Variants in MYL5 observed in about 807,000 individuals in gnomAD.
The protein encoded by MYL5 is myosin regulatory light chain 5.
Under a neutral mutation model 20.8 loss-of-function variants are expected in MYL5, and 28 were observed. The observed-to-expected ratio is 1.35, with a 90% CI of 1.00 to 1.84. The LOEUF (loss-of-function observed/expected upper bound fraction) is 1.84. Ranked by LOEUF, MYL5 falls within the 40% of genes most tolerant of loss-of-function variation. MYL5 has a pLI of 0.00. For synonymous variants in MYL5, 118 were observed against 87.4 expected (o/e 1.35, Z -1.95); for missense variants, 274 against 227.3 (o/e 1.21, Z -1.32).
intron 3 of MYL5, 161 bp downstream of exon 5, chr4:679,194 T>G: frequency 1.3e-6 from 1 of 764,576 alleles, no homozygotes; most frequent in Non-Finnish European, 2.3e-6. Flanking sequence ...TGGCCGCCCT[T>G]GGTTCCATCA....
intron 5 of MYL5, chr4:680,825 C>A: frequency 3.2e-6 from 2 of 629,762 alleles, no homozygotes; most frequent in Non-Finnish European, 5.5e-6. Context: ...CCCACTCCTC[C>A]ATCTTCAGCT....
chr4:679,210 G>A, intron 3 of MYL5, 177 bp downstream of exon 5: 2 of 726,158 alleles, frequency 2.8e-6, no homozygotes, highest in Non-Finnish European at 4.9e-6. Flanking sequence ...CATCAGAGCT[G>A]GCAGAGAGCA....
exon 4 of MYL5, chr4:680,018 G>T: frequency 6.2e-7 from 1 of 1,609,272 alleles, no homozygotes; most frequent in South Asian, 1.1e-5. Context: ...GAAGCTGAGC[G>T]GTGAGCACCG....
chr4:681,350 T>C (rs1483445734), intron 6 of MYL5, among the ~76,000 whole-genome samples: 1 of 151,830 alleles, frequency 6.6e-6, no homozygotes, highest in Non-Finnish European at 1.5e-5. Context: ...CTCCCCTCCG[T>C]TAGATCAGCG....
chr4:678,059 A>G (rs773335223), intron 1 of MYL5, 30 bp downstream of exon 3: 28 of 1,612,434 alleles, frequency 1.7e-5, no homozygotes, highest in East Asian at 6.7e-5. Context: ...TGCCTGGGGC[A>G]GGCGTGTGGG....
At chr4:676,862 C>T, upstream of MYL5, 1 of 985,032 alleles carries the variant, frequency 1.0e-6, no homozygotes, top group Non-Finnish European at 1.2e-6. Flanking sequence ...GCAGGTCATG[C>T]CTCCAGGGTC....
At chr4:681,066 G>A in intron 5 of MYL5, 26 bp from the exon 8 acceptor site, 5 of 1,580,984 alleles carry the variant, frequency 3.2e-6, no homozygotes, top group Non-Finnish European at 4.3e-6. Flanking sequence ...GCATCAGCCC[G>A]CGCTGACCCC....
At chr4:679,759 T>G (rs1739255184) in intron 3 of MYL5, among the ~76,000 whole-genome samples, 155 bp from the exon 6 acceptor site, 1 of 152,174 alleles carries the variant, frequency 6.6e-6, no homozygotes, top group Admixed American at 6.5e-5. Flanking sequence ...GCCAGCCAGA[T>G]GCACCCACTG....
intron 3 of MYL5, among the ~76,000 whole-genome samples, chr4:679,419 C>G (rs114568854): frequency 1.3e-5 from 2 of 152,322 alleles, no homozygotes; most frequent in African/African-American, 2.4e-5. Flanking sequence ...TGACAGAGGG[C>G]GTGGAGACGC....
chr4:677,822 C>T (rs982795556), upstream of MYL5: 15 of 768,650 alleles, frequency 2.0e-5, no homozygotes, highest in Admixed American at 4.4e-5. Context: ...GGGGGCCTTG[C>T]GGGGTGAGGC....
intron 1 of MYL5, chr4:678,389 G>A (rs570902142): frequency 5.0e-6 from 7 of 1,413,820 alleles, no homozygotes; most frequent in African/African-American, 4.3e-5. Flanking sequence ...CTGCTGGACG[G>A]CGATCCCTGA....
chr4:677,740 G>A (rs2109325789), upstream of MYL5, among the ~76,000 whole-genome samples: 1 of 152,282 alleles, frequency 6.6e-6, no homozygotes, highest in South Asian at 2.1e-4. Flanking sequence ...ATCCTTGGGA[G>A]AACAAAGCCT....
chr4:678,516 A>G, intron 1 of MYL5, 142 bp from the exon 4 acceptor site: 2 of 1,447,850 alleles, frequency 1.4e-6, no homozygotes, highest in South Asian at 1.5e-5. Context: ...TGAGGCTGGC[A>G]TGCTCCTCAG....
At chr4:680,252 T>G (rs572304046) in intron 4 of MYL5, among the ~76,000 whole-genome samples, 2 of 152,224 alleles carry the variant, frequency 1.3e-5, no homozygotes, top group Admixed American at 6.5e-5. Flanking sequence ...CCCTCACTCA[T>G]GCAGCACTCA....
intron 6 of MYL5, among the ~76,000 whole-genome samples, chr4:681,447 C>G (rs945577528): frequency 6.7e-6 from 1 of 149,930 alleles, no homozygotes; most frequent in Non-Finnish European, 1.5e-5. Flanking sequence ...CCCCCCACCC[C>G]CGACGCGCCG....
At chr4:681,953 C>G in exon 7 of MYL5, 1 of 1,355,278 alleles carries the variant, frequency 7.4e-7, no homozygotes, top group Non-Finnish European at 9.6e-7. Flanking sequence ...CTACAAGGCG[C>G]TCAGCTACGT....
chr4:678,927 G>C, intron 2 of MYL5, 31 bp from the exon 5 acceptor site: 1 of 1,612,914 alleles, frequency 6.2e-7, no homozygotes, highest in Non-Finnish European at 8.5e-7. Flanking sequence ...AGCCGGGTTG[G>C]CAGCACAGCA....
chr4:677,049 G>A (rs1738912296), upstream of MYL5: 1 of 404,208 alleles, frequency 2.5e-6, no homozygotes, highest in Admixed American at 6.4e-5. Context: ...CGCCCCCAGG[G>A]ATCCCACCTG....
chr4:681,857 G>C (rs114410634), intron 6 of MYL5, 36 bp from the exon 9 acceptor site: 1 of 1,305,356 alleles, frequency 7.7e-7, no homozygotes, highest in Non-Finnish European at 9.8e-7. Context: ...ATTCGCTCCC[G>C]GAGCCCGCAA....
Sources: allele counts gnomAD v4.1 joint callset (sites outside exome capture counted in the v4.1 genomes callset), GRCh38; gene constraint gnomAD v4.1.1; transcripts MANE v1.5; gene names NCBI Gene and HGNC (gene_info 2026-07-23, HGNC 2026-07-21).